Variants in CSGALNACT1 observed in about 807,000 individuals in gnomAD.
CSGALNACT1 encodes the protein beta4GalNAcT-1.
In CSGALNACT1, 52 loss-of-function variants were observed where a neutral mutation model predicts 51.0. The observed-to-expected ratio is 1.02, with a 90% CI of 0.82 to 1.29. The LOEUF is 1.29. CSGALNACT1 is among the 50% of genes most tolerant of loss of function. The probability of loss-of-function intolerance (pLI) is 0.00; values close to 1 mark genes in which losing one functional copy is unlikely to be tolerated. For missense variants in CSGALNACT1, 935 were observed against 679.2 expected (o/e 1.38, Z -4.19); for synonymous variants, 341 against 254.4 (o/e 1.34, Z -3.24).
chr8:19,622,319 AAACT>A (rs777614929), intron 1 of CSGALNACT1, among the ~76,000 whole-genome samples: 13 of 152,236 alleles, frequency 8.5e-5, no homozygotes, highest in Non-Finnish European at 1.6e-4. Context: ...TATCTTTATT[AAACT>A]TGGCTACAAT....
At chr8:19,493,171 C>T (rs2074745876) in intron 4 of CSGALNACT1, among the ~76,000 whole-genome samples, 1 of 152,172 alleles carries the variant, frequency 6.6e-6, no homozygotes, top group Non-Finnish European at 1.5e-5. Context: ...GAATTACTCT[C>T]TCCTGAACAC....
intron 1 of CSGALNACT1, among the ~76,000 whole-genome samples, chr8:19,723,092 T>C (rs1425165298): frequency 6.6e-6 from 1 of 152,238 alleles, no homozygotes; most frequent in Non-Finnish European, 1.5e-5. Flanking sequence ...TATATGCTAA[T>C]TTATTTTCTC....
At chr8:19,654,155 G>A (rs776949539) in intron 1 of CSGALNACT1, among the ~76,000 whole-genome samples, 21 of 152,280 alleles carry the variant, frequency 1.4e-4, no homozygotes, top group African/African-American at 2.2e-4. Context: ...TTATGACATC[G>A]ATGTGAGTCA....
intron 1 of CSGALNACT1, among the ~76,000 whole-genome samples, chr8:19,698,800 C>T (rs565436645): frequency 2.0e-5 from 3 of 152,268 alleles, no homozygotes; most frequent in South Asian, 2.1e-4. Flanking sequence ...ACCATATGAT[C>T]CAGCAATTTT....
chr8:19,507,714 G>A (rs1587487344), intron 3 of CSGALNACT1, among the ~76,000 whole-genome samples: 1 of 152,084 alleles, frequency 6.6e-6, no homozygotes, highest in Non-Finnish European at 1.5e-5. Flanking sequence ...TGCCATCTCT[G>A]CCTCCTGGGT....
chr8:19,426,808 T>C (rs558960551), intron 6 of CSGALNACT1, among the ~76,000 whole-genome samples: 20 of 152,306 alleles, frequency 1.3e-4, no homozygotes, highest in Admixed American at 1.1e-3. Context: ...CCAGAATTAC[T>C]GGATTAAAAA....
At chr8:19,630,190 G>A (rs942308383) in intron 1 of CSGALNACT1, among the ~76,000 whole-genome samples, 4 of 132,234 alleles carry the variant, frequency 3.0e-5, no homozygotes, top group South Asian at 2.7e-4. Context: ...AAGTTCCCAC[G>A]TCTCTGTGTG....
chr8:19,626,123 A>G (rs2054421350), intron 1 of CSGALNACT1, among the ~76,000 whole-genome samples: 2 of 152,240 alleles, frequency 1.3e-5, no homozygotes, highest in Admixed American at 6.5e-5. Flanking sequence ...AACAATTTTG[A>G]AAAAGAAGAA....
intron 1 of CSGALNACT1, among the ~76,000 whole-genome samples, chr8:19,628,670 T>C (rs183270410): frequency 6.6e-6 from 1 of 152,180 alleles, no homozygotes; most frequent in East Asian, 1.9e-4. Flanking sequence ...TTTTTGTTTT[T>C]TGGGTCTCGC....
chr8:19,635,114 C>A (rs763178003), intron 1 of CSGALNACT1, among the ~76,000 whole-genome samples: 1 of 152,262 alleles, frequency 6.6e-6, no homozygotes, highest in African/African-American at 2.4e-5. Flanking sequence ...TAAATAAGAT[C>A]TGTTTACCTC....
At chr8:19,444,401 G>T (rs141708191) in intron 5 of CSGALNACT1, among the ~76,000 whole-genome samples, 1 of 152,192 alleles carries the variant, frequency 6.6e-6, no homozygotes, top group Non-Finnish European at 1.5e-5. Flanking sequence ...GCTTGAATCG[G>T]AGGGTGTGGT....
chr8:19,581,293 C>T (rs997514551), intron 3 of CSGALNACT1, among the ~76,000 whole-genome samples: 1 of 152,168 alleles, frequency 6.6e-6, no homozygotes, highest in Non-Finnish European at 1.5e-5. Flanking sequence ...ATATAAATAG[C>T]ATATTCAGGC....
chr8:19,561,789 G>A (rs1221412993), intron 3 of CSGALNACT1, among the ~76,000 whole-genome samples: 2 of 152,200 alleles, frequency 1.3e-5, no homozygotes, highest in South Asian at 2.1e-4. Context: ...AACCAATAGT[G>A]AGGAAGGCCA....
chr8:19,669,422 T>C (rs1414899443), intron 1 of CSGALNACT1, among the ~76,000 whole-genome samples: 1 of 152,176 alleles, frequency 6.6e-6, no homozygotes, highest in Non-Finnish European at 1.5e-5. Flanking sequence ...ATAAAAACTG[T>C]AAACCGTTTC....
rs547035474 is a variant in CSGALNACT1 at position 19,628,375 on chromosome 8, C to T, written c.-543-26510G>A. 1.6e-4 allele frequency among the ~76,000 whole-genome samples: 25 copies of T among 152,304 alleles called. No individual in the cohort carries two copies. In the South Asian group the frequency reaches 4.8e-3, roughly 29 times the overall value. On this transcript the variant is annotated intron_variant, in intron 1 of 9. Coordinates refer to the CSGALNACT1 transcript ENST00000332246. ...GACCATCAGCTCTCATGAGGACTCC[C>T]TCACTATTATGAGAATAGCATGAGG... is the stretch of plus-strand genomic sequence containing the variant.
chr8:19,591,759 CA>C (rs111962164), intron 2 of CSGALNACT1, among the ~76,000 whole-genome samples: 7 of 144,270 alleles, frequency 4.9e-5, no homozygotes, highest in Non-Finnish European at 7.6e-5. Context: ...TTCCTCTCCA[CA>C]AAAAAAAATG....
intron 4 of CSGALNACT1, among the ~76,000 whole-genome samples, chr8:19,489,221 C>A (rs1252953945): frequency 1.3e-5 from 2 of 152,138 alleles, no homozygotes; most frequent in African/African-American, 4.8e-5. Flanking sequence ...ACCAAACCTA[C>A]AAATAAATTG....
intron 6 of CSGALNACT1, 22 bp downstream of exon 5, chr8:19,439,808 G>T: frequency 6.3e-7 from 1 of 1,578,816 alleles, no homozygotes; most frequent in Non-Finnish European, 8.7e-7. Context: ...GATTCCTTAT[G>T]ACAGCTCCGT....
intron 8 of CSGALNACT1, among the ~76,000 whole-genome samples, chr8:19,413,266 G>A (rs1364798945): frequency 2.6e-5 from 4 of 152,058 alleles, no homozygotes; most frequent in East Asian, 1.9e-4. Context: ...CCCATGAAGC[G>A]CTTTGAGGGC....
Sources: gnomAD v4.1 joint callset for allele counts (sites outside exome capture counted in the v4.1 genomes callset) on GRCh38, gnomAD v4.1.1 for gene constraint, MANE v1.5 for transcripts, NCBI Gene and HGNC (gene_info 2026-07-23, HGNC 2026-07-21) for gene names.